The following GOLM2 variants were observed in gnomAD, a reference collection of about 807,000 sequenced individuals.
The protein encoded by GOLM2 is golgi membrane protein 2, also known as protein GOLM2.
GOLM2 carries 26 observed loss-of-function variants against 55.9 expected under a neutral mutation model. That is an observed-to-expected ratio of 0.47 (90% CI 0.34 to 0.65). The LOEUF (loss-of-function observed/expected upper bound fraction) is 0.65. GOLM2 is among the 30% of genes least tolerant of loss of function. GOLM2 has a pLI of 0.01. For synonymous variants in GOLM2, 165 were observed against 194.6 expected (o/e 0.85, Z 1.27); for missense variants, 486 against 531.8 (o/e 0.91, Z 0.85).
chr15:44,323,442 C>T (rs1183588047), intron 2 of GOLM2, among the ~76,000 whole-genome samples: 1 of 150,938 alleles, frequency 6.6e-6, no homozygotes, highest in Non-Finnish European at 1.5e-5. Context: ...TTTTAGATAC[C>T]CTGGGAACAG....
intron 1 of GOLM2, among the ~76,000 whole-genome samples, chr15:44,315,119 G>A (rs1370386122): frequency 6.6e-6 from 1 of 152,174 alleles, no homozygotes; most frequent in African/African-American, 2.4e-5. Flanking sequence ...AATCAGACTG[G>A]AAGTAGAATA....
At chr15:44,411,290 G>A (rs1377325649) in intron 9 of GOLM2, among the ~76,000 whole-genome samples, 2 of 151,886 alleles carry the variant, frequency 1.3e-5, no homozygotes, top group East Asian at 3.9e-4. Flanking sequence ...CCAAAGTGCT[G>A]GGATTGCAAG....
intron 6 of GOLM2, among the ~76,000 whole-genome samples, chr15:44,365,859 G>A (rs1322972503): frequency 2.0e-5 from 3 of 152,204 alleles, no homozygotes; most frequent in Admixed American, 6.5e-5. Flanking sequence ...CAGTGTGCCA[G>A]TGTAAGTTCA....
At chr15:44,323,092 T>G (rs1030927245) in intron 2 of GOLM2, 73 bp downstream of exon 2, 34 of 969,056 alleles carry the variant, frequency 3.5e-5, no homozygotes, top group Admixed American at 8.0e-5. Flanking sequence ...AATTAAGAAA[T>G]AGTAAATTAG....
At chr15:44,318,475 G>A (rs1219657147) in intron 1 of GOLM2, among the ~76,000 whole-genome samples, 9 of 152,218 alleles carry the variant, frequency 5.9e-5, no homozygotes, top group Non-Finnish European at 1.3e-4. Flanking sequence ...TTGGGAGGCC[G>A]AGGTGGGTGG....
At chr15:44,341,839 C>T (rs549516807) in intron 6 of GOLM2, among the ~76,000 whole-genome samples, 70 of 151,534 alleles carry the variant, frequency 4.6e-4, no homozygotes, top group African/African-American at 1.6e-3. Context: ...GGGATTACAG[C>T]GCCCACCACC....
At chr15:44,412,542 G>C (rs2079645430) in intron 9 of GOLM2, among the ~76,000 whole-genome samples, 1 of 151,896 alleles carries the variant, frequency 6.6e-6, no homozygotes, top group Admixed American at 6.6e-5. Context: ...TAAATGTTGG[G>C]ATTATGAGTG....
At chr15:44,304,230 C>CTTCTTTT (rs1301281420) in intron 1 of GOLM2, among the ~76,000 whole-genome samples, 14 of 82,922 alleles carry the variant, frequency 1.7e-4, no homozygotes, top group East Asian at 8.7e-4. Context: ...GGCTCCACTT[C>CTTCTTTT]TTTTTTTTTT....
chr15:44,355,115 C>T (rs540898454), intron 6 of GOLM2: 164 of 188,842 alleles, frequency 8.7e-4, no homozygotes, highest in African/African-American at 3.5e-3. Context: ...AAAGCAACCT[C>T]ACAATCATCA....
chr15:44,306,680 G>T (rs568341969), intron 1 of GOLM2, among the ~76,000 whole-genome samples: 1 of 152,296 alleles, frequency 6.6e-6, no homozygotes, highest in South Asian at 2.1e-4. Flanking sequence ...TTGATTTAAA[G>T]TGAGAGACAT....
intron 1 of GOLM2, among the ~76,000 whole-genome samples, chr15:44,319,387 A>G (rs974342138): frequency 4.0e-5 from 6 of 150,762 alleles, no homozygotes; most frequent in African/African-American, 1.5e-4. Context: ...TAATCTGTTT[A>G]TTTATTTATT....
At position 44,367,425 on chromosome 15, in the gene GOLM2, C is replaced by G. The variant is rs1018103460; in HGVS notation, c.803-12265C>G. On this transcript the variant is annotated intron_variant, in intron 6 of 9. Coordinates refer to ENST00000299957, the MANE Select transcript of GOLM2 (RefSeq NM_138423.4). ...TATCTGAAAGTATCTTTATTTTATTCTCATTTTTGAAGGTTATTTTTGCCA... is the reference window on the plus strand; with the variant it reads ...TATCTGAAAGTATCTTTATTTTATTGTCATTTTTGAAGGTTATTTTTGCCA... Among the ~76,000 whole-genome samples, 9 of 152,050 alleles carry G rather than the reference C, an allele frequency of 5.9e-5. 1 individual carries two copies. The highest frequency in any genetic ancestry group is 2.2e-4 in the African/African-American group (9 of 41,404).
At chr15:44,375,002 T>A (rs1327175499) in intron 6 of GOLM2, among the ~76,000 whole-genome samples, 1 of 152,072 alleles carries the variant, frequency 6.6e-6, no homozygotes, top group African/African-American at 2.4e-5. Context: ...TAAAGAGAGC[T>A]GCTTTATTTA....
chr15:44,304,386 C>T lies in GOLM2; in HGVS notation c.327+15030C>T, dbSNP rs188741133. 5.3e-5 allele frequency among the ~76,000 whole-genome samples: 8 copies of T among 151,248 alleles called. No homozygotes were observed. The South Asian group carries it at 6.3e-4, about 12-fold the overall frequency. ...CCTCCTGAGTAGCTGGGATTACAGGCGCCCACCACCACACCTGGCTAATTT... is the reference window on the plus strand; with the variant it reads ...CCTCCTGAGTAGCTGGGATTACAGGTGCCCACCACCACACCTGGCTAATTT... On this transcript the variant is annotated intron_variant, in intron 1 of 9. Coordinates refer to ENST00000299957, the MANE Select transcript of GOLM2 (RefSeq NM_138423.4).
At chr15:44,339,663 C>T (rs2079078472) in intron 6 of GOLM2, among the ~76,000 whole-genome samples, 1 of 152,048 alleles carries the variant, frequency 6.6e-6, no homozygotes, top group Admixed American at 6.6e-5. Context: ...GAGACAGGGT[C>T]TCACTCTGTC....
chr15:44,331,948 C>A, intron 3 of GOLM2, 40 bp from the exon 4 acceptor site: 1 of 1,378,154 alleles, frequency 7.3e-7, no homozygotes, highest in Non-Finnish European at 1.0e-6. Flanking sequence ...AGAATCCAAT[C>A]CAAGATAATA....
In GOLM2 at chr15:44,355,910, A is replaced by G. The variant is rs1167838206; in HGVS notation, c.802+17593A>G. 1.3e-5 allele frequency among the ~76,000 whole-genome samples: 2 copies of G among 152,236 alleles called. 1 individual carries two copies. Among genetic ancestry groups the G allele is most frequent in the Admixed American group, 1.3e-4 (2 of 15,288 alleles). On this transcript the variant is annotated intron_variant, in intron 6 of 9. Transcript: ENST00000299957. ...GTCTTCTGTACTCAGCCAAAAATAA[A>G]ATAAAATAATAGAAAGATAACTGGA...
chr15:44,325,773 C>G (rs760316614), intron 2 of GOLM2, among the ~76,000 whole-genome samples: 4 of 152,164 alleles, frequency 2.6e-5, no homozygotes, highest in Non-Finnish European at 5.9e-5. Flanking sequence ...CTCATTGTCT[C>G]TATAGAATCA....
chr15:44,290,697 A>C (rs1329989707), intron 1 of GOLM2, among the ~76,000 whole-genome samples: 6 of 152,180 alleles, frequency 3.9e-5, no homozygotes, highest in Admixed American at 3.9e-4. Context: ...TGAGCATTAC[A>C]ATTCACATTC....
Sources: gnomAD v4.1 joint callset for allele counts (sites outside exome capture counted in the v4.1 genomes callset) on GRCh38, gnomAD v4.1.1 for gene constraint, MANE v1.5 for transcripts, NCBI Gene and HGNC (gene_info 2026-07-23, HGNC 2026-07-21) for gene names.